Variants in WDR62 observed in about 807,000 individuals in gnomAD.
WDR62 encodes WD repeat domain 62, also known as WD repeat-containing protein 62.
WDR62 carries 112 observed loss-of-function variants against 160.6 expected under a neutral mutation model. The observed-to-expected ratio is 0.70, with a 90% CI of 0.60 to 0.82. The LOEUF is 0.82. Ranked by LOEUF, WDR62 falls within the 40% of genes least tolerant of loss-of-function variation. WDR62 has a pLI of 0.00. For synonymous variants in WDR62, 792 were observed against 815.1 expected, an observed-to-expected ratio of 0.97 and a Z score of 0.48; for missense variants, 1,819 against 1,983.8, an observed-to-expected ratio of 0.92 and a Z score of 1.58.
intron 25 of WDR62, 96 bp downstream of exon 25, chr19:36,101,870 T>C (rs1973365865): frequency 1.3e-6 from 2 of 1,522,132 alleles, no homozygotes; most frequent in Admixed American, 1.8e-5. Context: ...TGGAGCCCAC[T>C]GAGCCTGGAA....
Position 36,100,820 on chromosome 19 carries a change from A to G in WDR62, c.2812A>G (p.Ser938Gly). The G allele has an allele frequency of 6.2e-7, 1 of 1,614,244 alleles. No homozygotes were observed. The highest frequency in any genetic ancestry group is 8.5e-7 in the Non-Finnish European group (1 of 1,180,042). ...LPQQKESSEA[S>G]ELILYSLEAE... ...CCAGCAGAAGGAATCATCTGAGGCC[A>G]GTGAGCTCATCCTCTACTCTCTGGA... is the stretch of plus-strand genomic sequence containing the variant. The change falls in exon 23 of 32, where the codon AGT (serine) becomes GGT (glycine). Residue 938 changes from serine (S) to glycine (G), a missense_variant. Transcript: ENST00000401500.
downstream of WDR62, among the ~76,000 whole-genome samples, chr19:36,109,409 C>A (rs540109124): frequency 1.3e-5 from 2 of 152,298 alleles, no homozygotes; most frequent in African/African-American, 4.8e-5. Flanking sequence ...CTTACGCGAT[C>A]ATTTTCAGTA....
intron 12 of WDR62, among the ~76,000 whole-genome samples, chr19:36,086,417 G>C (rs995863087): frequency 1.3e-5 from 2 of 152,178 alleles, no homozygotes; most frequent in Admixed American, 1.3e-4. Flanking sequence ...CGTCTGCTGT[G>C]GATGTCCCTG....
chr19:36,092,572 G>GA, intron 18 of WDR62, 117 bp from the exon 19 acceptor site: 1 of 1,446,950 alleles, frequency 6.9e-7, no homozygotes. Flanking sequence ...GTGTTTTCCA[G>GA]GAGCATCTGG....
At chr19:36,097,124 C>T (rs372790234) in intron 21 of WDR62, 45 bp downstream of exon 21, 10 of 1,588,166 alleles carry the variant, frequency 6.3e-6, no homozygotes, top group East Asian at 2.2e-5. Context: ...GCAGAGGAAA[C>T]GCCTCCCCAG....
intron 21 of WDR62, 79 bp from the exon 22 acceptor site, chr19:36,099,320 G>A: frequency 1.7e-6 from 2 of 1,182,596 alleles, no homozygotes; most frequent in South Asian, 1.3e-5. Context: ...AGTCCAGATG[G>A]GCTGTGTGAA....
chr19:36,101,004 G>A lies in WDR62; in HGVS notation c.2867+129G>A, dbSNP rs1973295186. ...TGGGGACAGTTGAGGCCTGGATGGGGCAGGAGCCCAGCCTTAGTTCCCTGG... is the reference window on the plus strand; with the variant it reads ...TGGGGACAGTTGAGGCCTGGATGGGACAGGAGCCCAGCCTTAGTTCCCTGG... On this transcript the variant is annotated intron_variant, in intron 23 of 31. Transcript: ENST00000401500. 10 of 1,470,072 alleles carry A rather than the reference G, an allele frequency of 6.8e-6. No homozygotes were observed. The Admixed American group carries it at 1.2e-4, about 18-fold the overall frequency. The allele number at this position is 1,470,072 out of a possible 1,614,324, so 91.1% of individuals were successfully genotyped here. A position where few individuals can be genotyped will look rare whatever the true frequency, so the allele number is the denominator to read the frequency against.
At position 36,076,669 on chromosome 19, in the gene WDR62, G is replaced by A. The variant is rs537090671; in HGVS notation, c.1233+3138G>A. On this transcript the variant is annotated intron_variant, in intron 9 of 31. Transcript: ENST00000401500. ...TAGGGATGCTCATCGCTATTGGGTC[G>A]TTCTTCCAGAAGCCTAGTTCTTAAG... Among the ~76,000 whole-genome samples the A allele has an allele frequency of 7.3e-5, 11 of 150,306 alleles. No homozygotes were observed. In the South Asian group the frequency reaches 2.3e-3, roughly 32 times the overall value.
rs1970724693 is a variant in WDR62 at position 36,062,739 on chromosome 19, G to A, written c.332+2709G>A. 3 of 147,380 alleles carry A rather than the reference G, an allele frequency of 2.0e-5. No individual in the cohort carries two copies. The South Asian group carries it at 6.5e-4, about 32-fold the overall frequency. 9.1% of individuals were successfully genotyped at this position (147,380 alleles called of 1,614,324 possible). A position where few individuals can be genotyped will look rare whatever the true frequency, so the allele number is the denominator to read the frequency against. On this transcript the variant is annotated intron_variant, in intron 3 of 31. Transcript: ENST00000401500. ...AAAAAAATGACAATCTTTTTAAACT[G>A]TAATACATCCAGCAAAATCAGGAAA...
In WDR62 at chr19:36,067,314, C is replaced by A; in HGVS notation, c.570C>A (p.Ile190=). 1 of 1,614,164 alleles carries A rather than the reference C, an allele frequency of 6.2e-7. No homozygotes were observed. The highest frequency in any genetic ancestry group is 8.5e-7 in the Non-Finnish European group (1 of 1,180,018). The part of the protein sequence containing the change: ...VLNVWDWKKD[I]VVASNKVSCR... ...TGCACTTATTCTTCCAGAAAGACAT[C>A]GTAGTGGCCTCCAACAAGGTATCTT... is the stretch of plus-strand genomic sequence containing the variant. Residue 190 remains isoleucine, a synonymous_variant, in exon 6 of 32, where the codon ATC becomes ATA. Coordinates refer to ENST00000401500, the MANE Select transcript of WDR62 (RefSeq NM_001083961.2).
intron 2 of WDR62, 181 bp downstream of exon 2, chr19:36,059,052 T>A: frequency 7.0e-6 from 5 of 714,374 alleles, no homozygotes; most frequent in Non-Finnish European, 1.3e-5. Context: ...GAACAGTTCC[T>A]GGCATGTAGT....
chr19:36,064,319 A>G (rs1970818172), intron 3 of WDR62, among the ~76,000 whole-genome samples: 2 of 152,020 alleles, frequency 1.3e-5, no homozygotes, highest in Admixed American at 1.3e-4. Context: ...TCTGTTGCCC[A>G]GGCTGGAGTG....
At chr19:36,069,955 C>A (rs1295394917) in intron 7 of WDR62, among the ~76,000 whole-genome samples, 1 of 146,836 alleles carries the variant, frequency 6.8e-6, no homozygotes, top group Non-Finnish European at 1.5e-5. Context: ...GCAGTACAGT[C>A]CAGCTTTGGC....
Position 36,101,285 on chromosome 19 carries a change from C to G in WDR62, c.2939C>G (p.Ser980Cys), listed in dbSNP as rs768526160. ...GGCGACTCCTACCTCAGGGTGTCCT[C>G]CGACAGCCCAAAGGACCAGAGCCCG... ...QQGDSYLRVS[S>C]DSPKDQSPPE... The change falls in exon 24 of 32, where the codon TCC becomes TGC. Residue 980 changes from serine to cysteine, a missense_variant. Coordinates refer to ENST00000401500, the MANE Select transcript of WDR62 (RefSeq NM_001083961.2). The G allele has an allele frequency of 6.2e-6, 10 of 1,612,466 alleles. No individual in the cohort carries two copies. The East Asian group carries it at 2.0e-4, about 32-fold the overall frequency.
intron 1 of WDR62, among the ~76,000 whole-genome samples, chr19:36,057,382 A>C (rs2064693552): frequency 6.6e-6 from 1 of 152,194 alleles, no homozygotes. Context: ...GTGACCATTC[A>C]TACCAGGGCC....
chr19:36,106,499 CTG>C (rs754727123), downstream of WDR62, among the ~76,000 whole-genome samples: 5 of 152,148 alleles, frequency 3.3e-5, no homozygotes, highest in East Asian at 7.7e-4. Context: ...AATTAGAGCT[CTG>C]TATAATTCTA....
rs373497501 is a variant in WDR62, at chr19:36,094,256, T to C, written c.2467+92T>C. On this transcript the variant is annotated intron_variant, in intron 20 of 31. Coordinates refer to ENST00000401500, the MANE Select transcript of WDR62 (RefSeq NM_001083961.2). The stretch of plus-strand genomic sequence containing the variant: ...CCTTGTTTACAGGGCCTGGCACATA[T>C]TAAAACTCAGGAGTCGACAGGGTGC... 27 of 1,557,710 alleles carry C rather than the reference T, an allele frequency of 1.7e-5. No individual in the cohort carries two copies. In the African/African-American group the frequency reaches 2.3e-4, roughly 13 times the overall value.
intron 7 of WDR62, among the ~76,000 whole-genome samples, chr19:36,069,484 A>G (rs1197751327): frequency 6.7e-6 from 1 of 150,098 alleles, no homozygotes; most frequent in Non-Finnish European, 1.5e-5. Flanking sequence ...GCAGCCGGGA[A>G]GAGGCGCTCC....
chr19:36,062,367 C>T (rs1487647738), intron 3 of WDR62: 1 of 152,114 alleles, frequency 6.6e-6, no homozygotes, highest in Non-Finnish European at 1.5e-5. Context: ...ATACTTCACG[C>T]CAGGCATGGT....
Sources: allele counts gnomAD v4.1 joint callset (sites outside exome capture counted in the v4.1 genomes callset), GRCh38; gene constraint gnomAD v4.1.1; transcripts MANE v1.5; gene names NCBI Gene and HGNC (gene_info 2026-07-23, HGNC 2026-07-21).